MLKL: variants seen among roughly 807,000 people sequenced by gnomAD.
The protein encoded by MLKL is mixed lineage kinase domain like pseudokinase, also known as mixed lineage kinase domain-like protein.
MLKL carries 55 observed loss-of-function variants against 56.5 expected under a neutral mutation model. The ratio of observed to expected loss-of-function variants is 0.97; its 90% CI spans 0.78 to 1.22. MLKL has a LOEUF of 1.22. MLKL is among the 50% of genes most tolerant of loss of function. MLKL has a pLI of 0.00. For synonymous variants in MLKL, 251 were observed against 208.3 expected (o/e 1.20, Z -1.76); for missense variants, 694 against 573.9 (o/e 1.21, Z -2.14).
intron 7 of MLKL, 128 bp downstream of exon 7, chr16:74,678,771 G>A (rs1411028479): frequency 1.4e-6 from 1 of 705,676 alleles, no homozygotes; most frequent in Non-Finnish European, 2.4e-6. Context: ...GACAGAAAGA[G>A]ACTCTGTCTC....
At chr16:74,698,927 A>G (rs970843129) in intron 1 of MLKL, among the ~76,000 whole-genome samples, 3 of 152,268 alleles carry the variant, frequency 2.0e-5, no homozygotes, top group East Asian at 1.9e-4. Flanking sequence ...CGCCCGGCCA[A>G]CATGGTGAAA....
chr16:74,691,553 G>C, intron 3 of MLKL, 90 bp from the exon 4 acceptor site: 24 of 1,383,116 alleles, frequency 1.7e-5, no homozygotes, highest in Non-Finnish European at 2.3e-5. Context: ...TGATGTGTGA[G>C]TGGGAAGCTC....
At chr16:74,698,612 C>T (rs578012890) in intron 1 of MLKL, among the ~76,000 whole-genome samples, 3 of 152,226 alleles carry the variant, frequency 2.0e-5, no homozygotes, top group Non-Finnish European at 4.4e-5. Flanking sequence ...TCTGTTGCAC[C>T]AGAAACAGAA....
chr16:74,695,264 T>C, intron 2 of MLKL, 34 bp downstream of exon 2: 1 of 1,595,246 alleles, frequency 6.3e-7, no homozygotes, highest in South Asian at 1.1e-5. Context: ...TGCATTCAAC[T>C]GCACTCCCAC....
At chr16:74,674,920 A>C in intron 10 of MLKL, 40 bp downstream of exon 10, 1 of 1,585,426 alleles carries the variant, frequency 6.3e-7, no homozygotes, top group Non-Finnish European at 8.6e-7. Flanking sequence ...GTGTGAAATA[A>C]TGATGGGGCT....
intron 10 of MLKL, among the ~76,000 whole-genome samples, chr16:74,674,393 T>C (rs1308825855): frequency 6.6e-6 from 1 of 152,010 alleles, no homozygotes; most frequent in Non-Finnish European, 1.5e-5. Context: ...GCTCAGGCGA[T>C]CCACCCACCT....
Position 74,672,449 on chromosome 16 carries a change from T to C in MLKL, c.*55A>G. The C allele has an allele frequency of 6.6e-7, 1 of 1,514,620 alleles. No individual in the cohort carries two copies. The highest frequency in any genetic ancestry group is 1.7e-5 in the Admixed American group (1 of 59,224). 93.8% of individuals were successfully genotyped at this position (1,514,620 alleles called of 1,614,324 possible). On this transcript the variant is annotated 3_prime_UTR_variant, in exon 11 of 11. Transcript: ENST00000308807. Reference sequence around the variant, plus strand: ...GGATATGAGAGAGAGAGATGTCCAGTTTGTGCCTCTCCCAGCTTCTTGTCC... The same window carrying C: ...GGATATGAGAGAGAGAGATGTCCAGCTTGTGCCTCTCCCAGCTTCTTGTCC...
At chr16:74,691,052 TG>T (rs1427832976) in intron 4 of MLKL, among the ~76,000 whole-genome samples, 1 of 148,538 alleles carries the variant, frequency 6.7e-6, no homozygotes, top group African/African-American at 2.5e-5. Context: ...AAGGGAAAGT[TG>T]TTTTTTTTTT....
Position 74,675,041 on chromosome 16 carries a change from C to T in MLKL, c.1300G>A (p.Gly434Ser). 3 of 1,614,168 alleles carry T rather than the reference C, an allele frequency of 1.9e-6. No homozygotes were observed. Among genetic ancestry groups the T allele is most frequent in the South Asian group, 1.1e-5 (1 of 91,084 alleles). ...VAVKRQQEPL[G>S]EDCPSELREI... ...CGCAGCTCTGAAGGGCAGTCTTCAC[C>T]CAGTGGCTCCTGCTGCCGCTTCACA... The change falls in exon 10 of 11, where the codon GGT (glycine) becomes AGT (serine). Residue 434 changes from glycine to serine, a missense_variant. Gly to Ser is a moderately conservative substitution (Grantham distance 56). Coordinates refer to ENST00000308807, the MANE Select transcript of MLKL (RefSeq NM_152649.4).
intron 4 of MLKL, among the ~76,000 whole-genome samples, chr16:74,688,506 G>T (rs146472275): frequency 1.8e-4 from 28 of 152,124 alleles, no homozygotes; most frequent in African/African-American, 6.5e-4. Context: ...TTGAGGTTAG[G>T]AGTTTCAGAC....
intron 7 of MLKL, 36 bp from the exon 8 acceptor site, chr16:74,675,800 G>A (rs1340245480): frequency 6.2e-7 from 1 of 1,609,422 alleles, no homozygotes; most frequent in East Asian, 2.2e-5. Flanking sequence ...AAACAAGCAA[G>A]ATCTTGGGTA....
At chr16:74,698,537 G>A (rs765435946) in intron 1 of MLKL, among the ~76,000 whole-genome samples, 1 of 152,152 alleles carries the variant, frequency 6.6e-6, no homozygotes, top group East Asian at 1.9e-4. Flanking sequence ...CTATTCCCAC[G>A]TGCTAAGCAG....
chr16:74,682,910 C>G (rs577397081), intron 5 of MLKL, 124 bp from the exon 6 acceptor site: 21 of 1,156,444 alleles, frequency 1.8e-5, no homozygotes, highest in Non-Finnish European at 2.4e-5. Flanking sequence ...ATTTCTCCCC[C>G]AATCCTCAGC....
chr16:74,697,850 C>T (rs952146956), intron 1 of MLKL, among the ~76,000 whole-genome samples: 10 of 151,938 alleles, frequency 6.6e-5, no homozygotes, highest in Admixed American at 2.6e-4. Context: ...GAAGATGCTG[C>T]GGTTCAGGGA....
At chr16:74,682,160 T>C (rs761931899) in intron 6 of MLKL, among the ~76,000 whole-genome samples, 5 of 151,958 alleles carry the variant, frequency 3.3e-5, no homozygotes, top group East Asian at 1.9e-4. Flanking sequence ...GAGGCTAAGG[T>C]AGGAGAATCC....
At chr16:74,683,832 C>G (rs898223823) in intron 5 of MLKL, among the ~76,000 whole-genome samples, 10 of 152,140 alleles carry the variant, frequency 6.6e-5, no homozygotes, top group Non-Finnish European at 1.2e-4. Context: ...AGGACTCAGA[C>G]AAGAAGTCGA....
chr16:74,700,213 G>C (rs1345895952), intron 1 of MLKL, among the ~76,000 whole-genome samples: 1 of 151,846 alleles, frequency 6.6e-6, no homozygotes, highest in African/African-American at 2.4e-5. Context: ...CAGGTAACTT[G>C]TTCCCGTGCC....
chr16:74,678,491 A>T (rs1307398214), intron 7 of MLKL: 1 of 179,298 alleles, frequency 5.6e-6, no homozygotes, highest in East Asian at 1.5e-4. Flanking sequence ...TCAGTTCTAA[A>T]ACCAAGGCAA....
intron 1 of MLKL, among the ~76,000 whole-genome samples, chr16:74,698,135 G>A (rs1414725573): frequency 2.0e-5 from 3 of 152,132 alleles, no homozygotes; most frequent in Non-Finnish European, 1.5e-5. Flanking sequence ...AGGCTGGGAG[G>A]TCGAGGCTGC....
Sources: allele counts gnomAD v4.1 joint callset (sites outside exome capture counted in the v4.1 genomes callset), GRCh38; gene constraint gnomAD v4.1.1; transcripts MANE v1.5; gene names NCBI Gene and HGNC (gene_info 2026-07-23, HGNC 2026-07-21).